Variants in RALGPS1 observed in about 807,000 individuals in gnomAD.
The protein encoded by RALGPS1 is ras-specific guanine nucleotide-releasing factor RalGPS1.
Under a neutral mutation model 78.8 loss-of-function variants are expected in RALGPS1, and 19 were observed. The ratio of observed to expected loss-of-function variants is 0.24; its 90% CI spans 0.17 to 0.35. The LOEUF (loss-of-function observed/expected upper bound fraction) is 0.35, where lower values mean the gene tolerates loss of function less well. RALGPS1 is among the 10% of genes least tolerant of loss of function. The probability of loss-of-function intolerance (pLI) is 1.00; values close to 1 mark genes in which losing one functional copy is unlikely to be tolerated. For synonymous variants in RALGPS1, 228 were observed against 256.3 expected (o/e 0.89, Z 1.06); for missense variants, 454 against 688.3 (o/e 0.66, Z 3.81).
At chr9:126,969,640 C>T (rs1237617977) in intron 3 of RALGPS1, among the ~76,000 whole-genome samples, 1 of 152,196 alleles carries the variant, frequency 6.6e-6, no homozygotes, top group Non-Finnish European at 1.5e-5. Context: ...TTTTTAGCTT[C>T]ATGAAAGAAG....
rs142839305 is a variant in RALGPS1, at chr9:127,108,312, C to T, written c.610+38956C>T. The T allele has an allele frequency of 1.9e-6, 3 of 1,613,778 alleles. No homozygotes were observed. In the African/African-American group the frequency reaches 4.0e-5, roughly 22 times the overall value. Reference sequence around the variant, plus strand: ...GCTTGCGGATGATCTCGTGCAGGAGCTGCATGTAGAGCTGCGTGACCCGCG... The same window carrying T: ...GCTTGCGGATGATCTCGTGCAGGAGTTGCATGTAGAGCTGCGTGACCCGCG... On this transcript the variant is annotated intron_variant, in intron 8 of 18. Transcript: ENST00000259351.
intron 1 of RALGPS1, among the ~76,000 whole-genome samples, chr9:126,934,079 A>G (rs1184776631): frequency 6.6e-6 from 1 of 152,202 alleles, no homozygotes; most frequent in African/African-American, 2.4e-5. Flanking sequence ...AAAGGAAAAT[A>G]GTGACCACAT....
intron 8 of RALGPS1, among the ~76,000 whole-genome samples, chr9:127,094,611 C>G (rs1004145936): frequency 6.6e-6 from 1 of 152,230 alleles, no homozygotes; most frequent in Non-Finnish European, 1.5e-5. Flanking sequence ...TCATTCACTG[C>G]TCTTCAAGTG....
intron 2 of RALGPS1, among the ~76,000 whole-genome samples, chr9:126,964,581 A>G (rs3120028): frequency 0.59 from 88,963 of 151,958 alleles, 30,139 homozygotes; most frequent in East Asian, 0.81. Flanking sequence ...ACAGACAGCA[A>G]CTGGTGTGGA....
chr9:126,946,533 CAAAAAAAAAAA>C (rs61279292), intron 1 of RALGPS1, among the ~76,000 whole-genome samples: 1,634 of 76,258 alleles, frequency 0.021, 37 homozygotes, highest in African/African-American at 0.081. Context: ...GAATCTGTCT[CAAAAAAAAAAA>C]AAAAAAAAAA....
At position 127,143,940 on chromosome 9, in the gene RALGPS1, C is replaced by A. The variant is rs536218412; in HGVS notation, c.611-22129C>A. ...TCTGCCCTTGCCCTCCCCTTCCGGG[C>A]ACCTGGGGAGTTGGCCACAAGCACA... On this transcript the variant is annotated intron_variant, in intron 8 of 18. Coordinates refer to ENST00000259351, the MANE Select transcript of RALGPS1 (RefSeq NM_014636.3). Among the ~76,000 whole-genome samples the A allele has an allele frequency of 7.9e-5, 12 of 152,336 alleles. No homozygotes were observed. In the East Asian group the frequency reaches 1.2e-3, roughly 15 times the overall value.
At chr9:127,053,331 C>T (rs769818321) in intron 7 of RALGPS1, among the ~76,000 whole-genome samples, 6 of 152,130 alleles carry the variant, frequency 3.9e-5, no homozygotes, top group Non-Finnish European at 7.3e-5. Flanking sequence ...CTAGCCATAC[C>T]GCTAAGTTTC....
chr9:127,031,816 A>C (rs2046454035), intron 4 of RALGPS1, among the ~76,000 whole-genome samples: 1 of 152,246 alleles, frequency 6.6e-6, no homozygotes, highest in Non-Finnish European at 1.5e-5. Flanking sequence ...ATTCCTTAGG[A>C]AATTGTTAAA....
At position 127,212,825 on chromosome 9, in the gene RALGPS1, G is replaced by T; in HGVS notation, c.1446+106G>T. The T allele has an allele frequency of 6.5e-7, 1 of 1,548,814 alleles. No individual in the cohort carries two copies. Among genetic ancestry groups the T allele is most frequent in the Non-Finnish European group, 8.8e-7 (1 of 1,133,298 alleles). On this transcript the variant is annotated intron_variant, in intron 16 of 18. Transcript: ENST00000259351. The surrounding 1 kb of genome is among the most constrained non-coding windows in gnomAD (Gnocchi z 6.0). ...GGGAAAGGGATCTGTGTGAACTGCG[G>T]AGGATGCAGGTGGGAAGGCGGCAGG... is the stretch of plus-strand genomic sequence containing the variant.
chr9:127,212,769 G>A lies in RALGPS1; in HGVS notation c.1446+50G>A, dbSNP rs778022817. On this transcript the variant is annotated intron_variant, in intron 16 of 18. Transcript: ENST00000259351. The surrounding 1 kb of genome is among the most constrained non-coding windows in gnomAD (Gnocchi z 6.0). ...TGCTGGGACTTCCTCTAGTGGGGAA[G>A]GGACCTCTGTGAACTGTGGAGGATG... 1.9e-6 allele frequency: 3 copies of A among 1,548,528 alleles called. No homozygotes were observed. The highest frequency in any genetic ancestry group is 2.7e-6 in the Non-Finnish European group (3 of 1,127,108).
chr9:127,131,058 A>G (rs1033905354), intron 8 of RALGPS1, among the ~76,000 whole-genome samples: 3 of 152,206 alleles, frequency 2.0e-5, no homozygotes, highest in African/African-American at 4.8e-5. Flanking sequence ...GGCTAATTAC[A>G]CTATTGGCCG....
intron 1 of RALGPS1, among the ~76,000 whole-genome samples, chr9:126,960,222 T>TTCCG (rs1564310490): frequency 1.5e-5 from 1 of 64,682 alleles, no homozygotes; most frequent in Non-Finnish European, 3.4e-5. Context: ...CCTCCCTCCC[T>TTCCG]TCCTTCCTTC....
At chr9:126,931,792 TA>T (rs2131150908) in intron 1 of RALGPS1, among the ~76,000 whole-genome samples, 1 of 152,250 alleles carries the variant, frequency 6.6e-6, no homozygotes, top group African/African-American at 2.4e-5. Flanking sequence ...TATCTGAATT[TA>T]AAAAAATAAC....
At chr9:127,093,605 G>A (rs2052747460) in intron 8 of RALGPS1, 3 of 1,153,930 alleles carry the variant, frequency 2.6e-6, no homozygotes, top group Non-Finnish European at 3.7e-6. Flanking sequence ...ATGTGTTGTT[G>A]GGGCCGCACA....
chr9:127,033,928 AG>A lies in RALGPS1; in HGVS notation c.217-501del, dbSNP rs1157045179. ...ATGAGGGATTGGAGGGGCCAACTTC[AG>A]GACAGAATCTGAGGTCATACCAGAA... On this transcript the variant is annotated intron_variant, in intron 4 of 18. Coordinates refer to ENST00000259351, the MANE Select transcript of RALGPS1 (RefSeq NM_014636.3). Among the ~76,000 whole-genome samples, 8 of 152,356 alleles carry A rather than the reference AG, an allele frequency of 5.3e-5. No homozygotes were observed. The South Asian group carries it at 8.3e-4, about 16-fold the overall frequency.
chr9:127,088,677 T>C, intron 8 of RALGPS1: 1 of 518,520 alleles, frequency 1.9e-6, no homozygotes, highest in Admixed American at 3.4e-5. Context: ...ACTTAATTTA[T>C]TTAAAGAAAG....
chr9:127,025,382 A>G (rs1180246226), intron 4 of RALGPS1, among the ~76,000 whole-genome samples: 1 of 152,168 alleles, frequency 6.6e-6, no homozygotes, highest in Non-Finnish European at 1.5e-5. Flanking sequence ...TTTTGTGGAC[A>G]TATATTGGTA....
At chr9:126,964,716 G>A (rs1376264694) in intron 2 of RALGPS1, among the ~76,000 whole-genome samples, 1 of 151,288 alleles carries the variant, frequency 6.6e-6, no homozygotes, top group Non-Finnish European at 1.5e-5. Flanking sequence ...GATGACACAG[G>A]CCTATCGAAA....
chr9:127,115,560 T>TA (rs2055319832), intron 8 of RALGPS1, among the ~76,000 whole-genome samples: 1 of 152,254 alleles, frequency 6.6e-6, no homozygotes, highest in Non-Finnish European at 1.5e-5. Flanking sequence ...TTGTTCAAGA[T>TA]CACTTGGAAG....
Sources: gnomAD v4.1 joint callset for allele counts (sites outside exome capture counted in the v4.1 genomes callset) on GRCh38, gnomAD v4.1.1 for gene constraint, Gnocchi (gnomAD v3.1) non-coding constraint, MANE v1.5 for transcripts, NCBI Gene and HGNC (gene_info 2026-07-23, HGNC 2026-07-21) for gene names.